Variants in NIN observed in about 807,000 individuals in gnomAD.
The protein encoded by NIN is glycogen synthase kinase 3 beta-interacting protein.
A neutral mutation model predicts 257.6 loss-of-function variants in NIN; 137 were observed. That is an observed-to-expected ratio of 0.53 (90% confidence interval 0.46 to 0.61). The LOEUF is 0.61. Among genes scored for constraint, NIN ranks in the 20% least tolerant of loss-of-function variants. The pLI, the probability that NIN is intolerant of heterozygous loss-of-function variation, is 0.00. For missense variants in NIN, 2,439 were observed against 2,501.2 expected (o/e 0.98, Z 0.53); for synonymous variants, 918 against 919.8 (o/e 1.00, Z 0.04).
intron 2 of NIN, among the ~76,000 whole-genome samples, chr14:50,828,102 CAAAAA>C (rs34448875): frequency 7.2e-6 from 1 of 138,484 alleles, no homozygotes; most frequent in African/African-American, 2.7e-5. Flanking sequence ...ATGTTTGTTA[CAAAAA>C]AAAAAAAAAA....
chr14:50,733,303 C>T (rs1256031816), intron 28 of NIN, among the ~76,000 whole-genome samples: 1 of 152,012 alleles, frequency 6.6e-6, no homozygotes, highest in East Asian at 1.9e-4. Context: ...ATGTTGGTCA[C>T]GCTGGTCTCG....
intron 3 of NIN, among the ~76,000 whole-genome samples, chr14:50,816,597 A>G (rs2044909580): frequency 1.3e-5 from 2 of 152,140 alleles, no homozygotes; most frequent in Admixed American, 1.3e-4. Context: ...ACTGACTCAA[A>G]TGAGTCATCT....
In NIN at chr14:50,729,984, T is replaced by C. The variant is rs534967340; in HGVS notation, c.5878-261A>G. Among the ~76,000 whole-genome samples the C allele has an allele frequency of 5.3e-5, 8 of 152,346 alleles. No individual in the cohort carries two copies. The South Asian group carries it at 1.2e-3, about 24-fold the overall frequency. ...AGCCCTTCCCAACTCTGGAGTGATA[T>C]TAAGGGCACGATGTACATAATACAT... On this transcript the variant is annotated intron_variant, in intron 28 of 30. Transcript: ENST00000530997.
At chr14:50,751,886 A>G (rs2140704820) in intron 21 of NIN, among the ~76,000 whole-genome samples, 1 of 152,204 alleles carries the variant, frequency 6.6e-6, no homozygotes, top group South Asian at 2.1e-4. Flanking sequence ...TTGCTATCAA[A>G]TTTTTGGTCC....
intron 17 of NIN, among the ~76,000 whole-genome samples, chr14:50,759,115 A>G (rs1351821054): frequency 6.6e-6 from 1 of 152,218 alleles, no homozygotes; most frequent in South Asian, 2.1e-4. Context: ...GTGACGAAAC[A>G]AAGCCCTCAA....
At chr14:50,786,876 T>C (rs2043369182) in intron 5 of NIN, among the ~76,000 whole-genome samples, 1 of 152,260 alleles carries the variant, frequency 6.6e-6, no homozygotes, top group African/African-American at 2.4e-5. Context: ...TGCAAAGTTA[T>C]GCATACATGA....
In NIN at chr14:50,723,138, T is replaced by C. The variant is rs1474574836; in HGVS notation, c.*325A>G. 4 of 244,300 alleles carry C rather than the reference T, an allele frequency of 1.6e-5. No individual in the cohort carries two copies. The East Asian group carries it at 2.5e-4, about 15-fold the overall frequency. The allele number at this position is 244,300 out of a possible 1,614,324, so 15.1% of individuals were successfully genotyped here. On this transcript the variant is annotated 3_prime_UTR_variant, in exon 31 of 31. Coordinates refer to ENST00000530997, the MANE Select transcript of NIN (RefSeq NM_020921.4). ...CTAGATTTTACACATAGATTTGTAA[T>C]AATTAAAAAAAAAACCAAAACCACA...
rs549836126 is a variant in NIN, at chr14:50,765,848, T to TC, written c.1635+458_1635+459insG. On this transcript the variant is annotated intron_variant, in intron 14 of 30. Coordinates refer to ENST00000530997, the MANE Select transcript of NIN (RefSeq NM_020921.4). ...TGTTAATAGCTAACATTTATGTTTT[T>TC]TTTTTTTAATTTTATTATACTTTAA... Among the ~76,000 whole-genome samples, 16 of 151,480 alleles carry TC rather than the reference T, an allele frequency of 1.1e-4. No individual in the cohort carries two copies. In the East Asian group the frequency reaches 1.6e-3, roughly 15 times the overall value.
intron 12 of NIN, among the ~76,000 whole-genome samples, chr14:50,769,489 C>T (rs1179460634): frequency 1.3e-5 from 2 of 151,376 alleles, no homozygotes; most frequent in African/African-American, 2.4e-5. Context: ...AATGAGACCC[C>T]GTTTCTACCA....
rs770951163 is a variant in NIN, at chr14:50,777,104, C to G, written c.511G>C (p.Ala171Pro). 4 of 1,612,992 alleles carry G rather than the reference C, an allele frequency of 2.5e-6. No homozygotes were observed. ...LRFWNPDDLN[A>P]SQSGSSPPQD... Reference sequence around the variant, plus strand: ...GGAGGGGAAGATCCACTCTGTGAAGCATTCAAGTCATCTGGGTTCCAAAAC... The same window carrying G: ...GGAGGGGAAGATCCACTCTGTGAAGGATTCAAGTCATCTGGGTTCCAAAAC... The change falls in exon 7 of 31, where the codon GCT (alanine) becomes CCT (proline). Residue 171 changes from alanine (A) to proline (P), a missense_variant. This residue lies in a region of NIN where 387 missense variants were observed against 427.3 expected (regional missense o/e 0.91). Coordinates refer to ENST00000530997, the MANE Select transcript of NIN (RefSeq NM_020921.4).
At chr14:50,737,820 T>C (rs1222568211) in intron 27 of NIN, among the ~76,000 whole-genome samples, 6 of 152,004 alleles carry the variant, frequency 3.9e-5, no homozygotes, top group Non-Finnish European at 7.4e-5. Flanking sequence ...AATTTTTGTG[T>C]TTTTTTAGTA....
intron 5 of NIN, among the ~76,000 whole-genome samples, chr14:50,789,245 C>T (rs1325884400): frequency 2.6e-5 from 4 of 152,150 alleles, no homozygotes; most frequent in Non-Finnish European, 5.9e-5. Context: ...CTTCCAGCAA[C>T]CAAAAGGGAG....
chr14:50,725,695 T>A (rs2040381349), intron 30 of NIN: 1 of 566,950 alleles, frequency 1.8e-6, no homozygotes, highest in Non-Finnish European at 3.1e-6. Flanking sequence ...TAGGTCCATG[T>A]AAATCATGTT....
rs2040272407 is a variant in NIN, at chr14:50,721,647, A to G, written c.*1816T>C. The G allele has an allele frequency of 4.6e-6, 1 of 217,468 alleles. No individual in the cohort carries two copies. The highest frequency in any genetic ancestry group is 9.3e-6 in the Non-Finnish European group (1 of 107,894). The allele number at this position is 217,468 out of a possible 1,614,324, so 13.5% of individuals were successfully genotyped here. ...CACAGAAGAAAGATCTAAAGAAGGCATAATAGCAGATGTCAAATATTTTGA... is the reference window on the plus strand; with the variant it reads ...CACAGAAGAAAGATCTAAAGAAGGCGTAATAGCAGATGTCAAATATTTTGA... On this transcript the variant is annotated 3_prime_UTR_variant, in exon 31 of 31. Transcript: ENST00000530997.
chr14:50,733,071 A>G (rs1005395751), intron 28 of NIN, among the ~76,000 whole-genome samples: 3 of 148,332 alleles, frequency 2.0e-5, no homozygotes, highest in Non-Finnish European at 3.0e-5. Flanking sequence ...AAAAATATCC[A>G]ATTTGTGTAA....
chr14:50,802,866 A>G (rs976975446), intron 4 of NIN, among the ~76,000 whole-genome samples: 3 of 152,192 alleles, frequency 2.0e-5, no homozygotes, highest in Non-Finnish European at 4.4e-5. Flanking sequence ...TCTATATTAT[A>G]GTCTGGTGCA....
chr14:50,817,519 T>C (rs1001604909), intron 3 of NIN, among the ~76,000 whole-genome samples: 1 of 152,146 alleles, frequency 6.6e-6, no homozygotes, highest in Admixed American at 6.5e-5. Flanking sequence ...TACTAAAAAT[T>C]TCAACATGTC....
At position 50,756,682 on chromosome 14, in the gene NIN, T is replaced by C; in HGVS notation, c.4348A>G (p.Thr1450Ala). The C allele has an allele frequency of 6.4e-7, 1 of 1,551,880 alleles. No homozygotes were observed. Among genetic ancestry groups the C allele is most frequent in the East Asian group, 2.4e-5 (1 of 40,932 alleles). The change falls in exon 18 of 31, where the codon ACC becomes GCC. Residue 1450 changes from threonine (T) to alanine (A), a missense_variant. Thr to Ala is a moderately conservative substitution (Grantham distance 58). Coordinates refer to ENST00000530997, the MANE Select transcript of NIN (RefSeq NM_020921.4). The stretch of plus-strand genomic sequence containing the variant: ...TTCTCCAGTTCTAACTCTGCTATGG[T>C]GGCCTGATGCTGAAAATGTTTGTCT... ...FQDKHFQHQA[T>A]IAELELEKTK...
chr14:50,755,703 C>T (rs560474841), intron 18 of NIN, among the ~76,000 whole-genome samples: 2 of 141,108 alleles, frequency 1.4e-5, no homozygotes, highest in East Asian at 4.1e-4. Flanking sequence ...CTCACTCTGT[C>T]ACCCAGTCTG....
Sources: allele counts gnomAD v4.1 joint callset (sites outside exome capture counted in the v4.1 genomes callset), GRCh38; gene constraint gnomAD v4.1.1; regional missense constraint gnomAD v4.1.1; transcripts MANE v1.5; gene names NCBI Gene and HGNC (gene_info 2026-07-23, HGNC 2026-07-21).